ADCY9: variants seen among roughly 807,000 people sequenced by gnomAD.
ADCY9 encodes the protein adenylate cyclase 9.
Under a neutral mutation model 101.5 loss-of-function variants are expected in ADCY9, and 50 were observed. The ratio of observed to expected loss-of-function variants is 0.49; its 90% CI spans 0.39 to 0.62. ADCY9 has a LOEUF of 0.62. Ranked by LOEUF, ADCY9 falls within the 20% of genes least tolerant of loss-of-function variation. The pLI is 0.00. For synonymous variants in ADCY9, 905 were observed against 769.3 expected, an observed-to-expected ratio of 1.18 and a Z score of -2.92; for missense variants, 1,662 against 1,800.4, an observed-to-expected ratio of 0.92 and a Z score of 1.39.
intron 3 of ADCY9, among the ~76,000 whole-genome samples, chr16:4,002,465 G>A (rs1455851999): frequency 6.6e-6 from 1 of 152,162 alleles, no homozygotes; most frequent in Non-Finnish European, 1.5e-5. Flanking sequence ...CCTTTTGAAA[G>A]CAGGACAGGT....
At chr16:4,043,147 C>T (rs1489657756) in intron 2 of ADCY9, among the ~76,000 whole-genome samples, 2 of 152,074 alleles carry the variant, frequency 1.3e-5, no homozygotes, top group African/African-American at 4.8e-5. Context: ...AGGAGAATGG[C>T]GTGAACCCGG....
intron 2 of ADCY9, among the ~76,000 whole-genome samples, chr16:4,074,259 C>T (rs976203999): frequency 3.3e-5 from 5 of 151,560 alleles, no homozygotes; most frequent in South Asian, 2.1e-4. Context: ...AGAATTCTTA[C>T]GAGGTTCTTA....
At chr16:4,104,643 T>C (rs1160023825) in intron 2 of ADCY9, among the ~76,000 whole-genome samples, 1 of 152,074 alleles carries the variant, frequency 6.6e-6, no homozygotes, top group Non-Finnish European at 1.5e-5. Flanking sequence ...TACTCACTTG[T>C]TGAATGTTTC....
chr16:4,108,144 GA>G (rs1170213701), intron 2 of ADCY9, among the ~76,000 whole-genome samples: 2 of 152,078 alleles, frequency 1.3e-5, no homozygotes, highest in Non-Finnish European at 2.9e-5. Context: ...ATTTACACGG[GA>G]AAAGAAGATG....
chr16:4,078,603 A>G (rs2056883124), intron 2 of ADCY9, among the ~76,000 whole-genome samples: 1 of 151,962 alleles, frequency 6.6e-6, no homozygotes, highest in African/African-American at 2.4e-5. Flanking sequence ...GTATTAGAAG[A>G]AAATATAGGT....
At chr16:4,008,428 T>C (rs2056381753) in intron 2 of ADCY9, among the ~76,000 whole-genome samples, 1 of 152,166 alleles carries the variant, frequency 6.6e-6, no homozygotes, top group African/African-American at 2.4e-5. Flanking sequence ...AAGAAATCCA[T>C]CCTTTGACTT....
intron 5 of ADCY9, among the ~76,000 whole-genome samples, chr16:3,990,662 CCT>C (rs1383867872): frequency 6.6e-6 from 1 of 152,152 alleles, no homozygotes; most frequent in African/African-American, 2.4e-5. Context: ...GGACACTGAC[CCT>C]CTCTCCTCCC....
chr16:3,984,320 A>C (rs1412950558), intron 6 of ADCY9, among the ~76,000 whole-genome samples: 2 of 152,292 alleles, frequency 1.3e-5, no homozygotes, highest in Non-Finnish European at 2.9e-5. Context: ...CGGGGATTTA[A>C]GTGGCACATC....
chr16:3,993,644 C>T (rs1340194108), intron 3 of ADCY9, 134 bp from the exon 4 acceptor site: 33 of 1,109,934 alleles, frequency 3.0e-5, no homozygotes, highest in Non-Finnish European at 3.9e-5. Flanking sequence ...CAGAACCGCT[C>T]GGGGATGAGC....
intron 2 of ADCY9, among the ~76,000 whole-genome samples, chr16:4,088,900 A>G (rs1468527228): frequency 6.6e-6 from 1 of 152,024 alleles, no homozygotes; most frequent in East Asian, 1.9e-4. Context: ...TTGTGCAACC[A>G]TCACCATAGC....
At chr16:4,060,221 C>A (rs2056766513) in intron 2 of ADCY9, among the ~76,000 whole-genome samples, 1 of 152,192 alleles carries the variant, frequency 6.6e-6, no homozygotes. Context: ...ATCAGGAGAC[C>A]AGCCAAAAAC....
At chr16:4,060,446 C>T (rs1196182883) in intron 2 of ADCY9, among the ~76,000 whole-genome samples, 5 of 152,120 alleles carry the variant, frequency 3.3e-5, no homozygotes, top group Non-Finnish European at 5.9e-5. Flanking sequence ...AAGACAGGCT[C>T]GTATAATATA....
At chr16:4,049,496 A>C (rs2056687094) in intron 2 of ADCY9, among the ~76,000 whole-genome samples, 1 of 152,174 alleles carries the variant, frequency 6.6e-6, no homozygotes, top group Non-Finnish European at 1.5e-5. Context: ...GATTATCCTT[A>C]AAAAGTCTCT....
At chr16:3,985,202 C>A (rs367872570) in intron 6 of ADCY9, among the ~76,000 whole-genome samples, 2 of 137,768 alleles carry the variant, frequency 1.5e-5, no homozygotes, top group Admixed American at 1.6e-4. Flanking sequence ...TGCAGTGGCG[C>A]GATCTTGGCT....
At chr16:4,010,271 AAAGTCAAGATGGCCTCTCCTAG>A (rs1425331176) in intron 2 of ADCY9, among the ~76,000 whole-genome samples, 102 of 152,264 alleles carry the variant, frequency 6.7e-4, no homozygotes, top group Admixed American at 1.4e-3. Context: ...ACTGCAAGAG[AAAGTCAAGATGGCCTCTCCTAG>A]AAGTGCGTGG....
intron 2 of ADCY9, among the ~76,000 whole-genome samples, chr16:4,042,427 A>G (rs757772521): frequency 7.9e-5 from 12 of 152,122 alleles, no homozygotes; most frequent in Non-Finnish European, 1.5e-4. Context: ...TTGTTATTTG[A>G]TTCAATTATT....
intron 8 of ADCY9, 37 bp downstream of exon 8, chr16:3,979,079 G>A: frequency 6.2e-7 from 1 of 1,612,208 alleles, no homozygotes; most frequent in Non-Finnish European, 8.5e-7. Context: ...GGGAGTCCAG[G>A]AGAGCGTGGA....
chr16:4,036,438 AC>A (rs1329050559), intron 2 of ADCY9, among the ~76,000 whole-genome samples: 1 of 147,472 alleles, frequency 6.8e-6, no homozygotes, highest in African/African-American at 2.5e-5. Context: ...CAAATACAAT[AC>A]ATTTTGGTTT....
chr16:4,100,384 C>G (rs1019155298), intron 2 of ADCY9, among the ~76,000 whole-genome samples: 1 of 152,040 alleles, frequency 6.6e-6, no homozygotes, highest in African/African-American at 2.4e-5. Flanking sequence ...GGCTGGAGTA[C>G]AGTGGCGCGA....
Sources: gnomAD v4.1 joint callset for allele counts (sites outside exome capture counted in the v4.1 genomes callset) on GRCh38, gnomAD v4.1.1 for gene constraint, MANE v1.5 for transcripts, NCBI Gene and HGNC (gene_info 2026-07-23, HGNC 2026-07-21) for gene names.